The following GPATCH8 variants were observed in gnomAD, a reference collection of about 807,000 sequenced individuals.
The protein encoded by GPATCH8 is G patch domain-containing protein 8.
GPATCH8 carries 18 observed loss-of-function variants against 118.3 expected under a neutral mutation model. That is an observed-to-expected ratio of 0.15 (90% CI 0.11 to 0.23). GPATCH8 has a LOEUF of 0.23. Among genes scored for constraint, GPATCH8 ranks in the 10% least tolerant of loss-of-function variants. The pLI is 1.00. For missense variants in GPATCH8, 1,631 were observed against 1,873.8 expected (o/e 0.87, Z 2.39); for synonymous variants, 659 against 684.7 (o/e 0.96, Z 0.59).
At chr17:44,480,432 T>C (rs530022592) in intron 1 of GPATCH8, among the ~76,000 whole-genome samples, 2 of 150,984 alleles carry the variant, frequency 1.3e-5, no homozygotes, top group South Asian at 2.1e-4. Flanking sequence ...AATACAAAAA[T>C]TGGCCAGGCG....
Position 44,478,073 on chromosome 17 carries a change from G to A in GPATCH8, c.46-3170C>T, listed in dbSNP as rs527460022. On this transcript the variant is annotated intron_variant, in intron 1 of 7. Transcript: ENST00000591680. The stretch of plus-strand genomic sequence containing the variant: ...ACTCCTGACCTCAAGTGATCTGCCC[G>A]CCTCAGCCTCCCAAAGTGCTGAGAT... Among the ~76,000 whole-genome samples, 14 of 152,264 alleles carry A rather than the reference G, an allele frequency of 9.2e-5. No homozygotes were observed. In the South Asian group the frequency reaches 1.7e-3, roughly 18 times the overall value.
At chr17:44,492,598 A>G (rs12938279) in intron 1 of GPATCH8, among the ~76,000 whole-genome samples, 9,804 of 152,062 alleles carry the variant, frequency 0.064, 1,010 homozygotes, top group African/African-American at 0.22. Flanking sequence ...AAGGACAAAA[A>G]AAAAAGAGGG....
chr17:44,483,825 T>TTTGTTG (rs55703241), intron 1 of GPATCH8, among the ~76,000 whole-genome samples: 7,022 of 149,170 alleles, frequency 0.047, 182 homozygotes, highest in Non-Finnish European at 0.06. Context: ...TTTGGTTGTT[T>TTTGTTG]TTGTTGTTGT....
At chr17:44,471,300 C>T (rs1050058069) in intron 2 of GPATCH8, among the ~76,000 whole-genome samples, 1 of 152,158 alleles carries the variant, frequency 6.6e-6, no homozygotes, top group African/African-American at 2.4e-5. Flanking sequence ...ATCTAAGCTT[C>T]GGAAGTTCAC....
At position 44,428,587 on chromosome 17, in the gene GPATCH8, G is replaced by A. The variant is rs577865610; in HGVS notation, c.349-4095C>T. Reference sequence around the variant, plus strand: ...GGAGGTTGAGGTGGGTGGACAGCTTGAGCCTAGGAGTTCAAAACCAGCCTG... The same window carrying A: ...GGAGGTTGAGGTGGGTGGACAGCTTAAGCCTAGGAGTTCAAAACCAGCCTG... On this transcript the variant is annotated intron_variant, in intron 5 of 7. Coordinates refer to ENST00000591680, the MANE Select transcript of GPATCH8 (RefSeq NM_001002909.4). Among the ~76,000 whole-genome samples, 15 of 152,020 alleles carry A rather than the reference G, an allele frequency of 9.9e-5. No individual in the cohort carries two copies. The East Asian group carries it at 1.4e-3, about 14-fold the overall frequency.
intron 5 of GPATCH8, among the ~76,000 whole-genome samples, chr17:44,429,649 A>AACACACACACAC (rs144232073): frequency 0.021 from 2,649 of 125,618 alleles, 58 homozygotes; most frequent in Middle Eastern, 0.025. Flanking sequence ...GTCTCTACTA[A>AACACACACACAC]ACACACACAC....
At chr17:44,430,681 C>T (rs865862451) in intron 5 of GPATCH8, among the ~76,000 whole-genome samples, 6 of 151,770 alleles carry the variant, frequency 4.0e-5, no homozygotes, top group Admixed American at 6.6e-5. Context: ...CTCTGTCTGT[C>T]GCCCAGGCTG....
intron 1 of GPATCH8, among the ~76,000 whole-genome samples, chr17:44,480,130 A>C (rs866691357): frequency 3.7e-4 from 56 of 152,236 alleles, no homozygotes; most frequent in African/African-American, 1.3e-3. Flanking sequence ...GAAAAAAACA[A>C]CCCAATTTTT....
At chr17:44,447,619 C>CTTTTT (rs79158339) in intron 3 of GPATCH8, among the ~76,000 whole-genome samples, 2 of 141,602 alleles carry the variant, frequency 1.4e-5, no homozygotes, top group African/African-American at 2.6e-5. Context: ...TTATCACCAC[C>CTTTTT]TTTTTTTTTT....
In GPATCH8 at chr17:44,471,615, T is replaced by C. The variant is rs970473044; in HGVS notation, c.120+3214A>G. 7.2e-5 allele frequency among the ~76,000 whole-genome samples: 11 copies of C among 152,334 alleles called. No individual in the cohort carries two copies. In the South Asian group the frequency reaches 1.2e-3, roughly 17 times the overall value. ...TAGCAAAACAGTCAGCACCTCTCAA[T>C]AGATATTGCTGCAGAGAAAGATTTT... On this transcript the variant is annotated intron_variant, in intron 2 of 7. Coordinates refer to ENST00000591680, the MANE Select transcript of GPATCH8 (RefSeq NM_001002909.4).
chr17:44,453,594 C>T lies in GPATCH8; in HGVS notation c.193+10878G>A, dbSNP rs188042771. On this transcript the variant is annotated intron_variant, in intron 3 of 7. Coordinates refer to ENST00000591680, the MANE Select transcript of GPATCH8 (RefSeq NM_001002909.4). The stretch of plus-strand genomic sequence containing the variant: ...AGGCTGGAGTACACTCGCAATGACA[C>T]GGCACCCTGCAGCCTCAACTTCATG... Among the ~76,000 whole-genome samples the T allele has an allele frequency of 2.2e-3, 339 of 151,680 alleles. 5 individuals are homozygous for T. Among genetic ancestry groups the T allele is most frequent in the Non-Finnish European group, 6.6e-4 (45 of 67,928 alleles).
intron 6 of GPATCH8, among the ~76,000 whole-genome samples, chr17:44,408,062 AG>A (rs1256475319): frequency 2.0e-5 from 3 of 152,184 alleles, no homozygotes; most frequent in Non-Finnish European, 4.4e-5. Context: ...CAGAAAGAAA[AG>A]GCTTATCAGG....
intron 3 of GPATCH8, among the ~76,000 whole-genome samples, chr17:44,437,963 A>AAAAAAAAAC (rs1567988038): frequency 6.9e-6 from 1 of 145,866 alleles, no homozygotes. Context: ...AAAAAAACAA[A>AAAAAAAAAC]ACAACAACTT....
chr17:44,441,664 C>G (rs1427672432), intron 3 of GPATCH8, among the ~76,000 whole-genome samples: 2 of 151,636 alleles, frequency 1.3e-5, no homozygotes, highest in Admixed American at 1.3e-4. Flanking sequence ...GCAGAGGTTG[C>G]AGTTAGCTAA....
At chr17:44,425,993 A>C (rs941849960) in intron 5 of GPATCH8, among the ~76,000 whole-genome samples, 6 of 152,368 alleles carry the variant, frequency 3.9e-5, no homozygotes, top group African/African-American at 1.4e-4. Context: ...CTGGAGTATG[A>C]AAAACACACA....
rs758209017 is a variant in GPATCH8, at chr17:44,398,708, G to A, written c.3369C>T (p.Leu1123=). Residue 1123 remains leucine (L), a synonymous_variant, in exon 8 of 8, where the codon CTC becomes CTT. Coordinates refer to ENST00000591680, the MANE Select transcript of GPATCH8 (RefSeq NM_001002909.4). ...CAAAGTAACCTTGTGGGGGGTCCTT[G>A]AGCTTGGGCCCAGCTTTATTAGGGG... is the stretch of plus-strand genomic sequence containing the variant. ...QATPNKAGPK[L]KDPPQGYFGP... The A allele has an allele frequency of 4.4e-6, 7 of 1,600,460 alleles. No individual in the cohort carries two copies. In the South Asian group the frequency reaches 5.6e-5, roughly 13 times the overall value.
chr17:44,448,507 G>T (rs1464889308), intron 3 of GPATCH8, among the ~76,000 whole-genome samples: 14 of 116,866 alleles, frequency 1.2e-4, no homozygotes, highest in African/African-American at 4.2e-4. Context: ...AAAAAAAGGG[G>T]GGGGGGGGAA....
chr17:44,435,953 C>T (rs927520108), intron 4 of GPATCH8, among the ~76,000 whole-genome samples: 3 of 135,284 alleles, frequency 2.2e-5, no homozygotes, highest in Non-Finnish European at 4.6e-5. Context: ...CCCTTGAACC[C>T]GGGAGACGGA....
Position 44,405,422 on chromosome 17 carries a change from G to T in GPATCH8, c.623+499C>A, listed in dbSNP as rs2049183381. On this transcript the variant is annotated intron_variant, in intron 7 of 7. Transcript: ENST00000591680. Reference sequence around the variant, plus strand: ...GGGGTTTCTCCATGTTGGTCAGGCTGGTCTCGAACTCCCAACCTCAGGTGA... The same window carrying T: ...GGGGTTTCTCCATGTTGGTCAGGCTTGTCTCGAACTCCCAACCTCAGGTGA... 3.3e-5 allele frequency among the ~76,000 whole-genome samples: 5 copies of T among 151,924 alleles called. No individual in the cohort carries two copies. In the South Asian group the frequency reaches 1.0e-3, roughly 32 times the overall value.
Sources: allele counts gnomAD v4.1 joint callset (sites outside exome capture counted in the v4.1 genomes callset), GRCh38; gene constraint gnomAD v4.1.1; transcripts MANE v1.5; gene names NCBI Gene and HGNC (gene_info 2026-07-23, HGNC 2026-07-21).